MED27: variants seen among roughly 807,000 people sequenced by gnomAD.
MED27 encodes the protein mediator of RNA polymerase II transcription subunit 27.
MED27 carries 30 observed loss-of-function variants against 38.2 expected under a neutral mutation model. The ratio of observed to expected loss-of-function variants is 0.79; its 90% confidence interval spans 0.59 to 1.07. MED27 has a LOEUF of 1.07. Ranked by LOEUF, MED27 falls within the 50% of genes least tolerant of loss-of-function variation. MED27 has a pLI of 0.00. For synonymous variants in MED27, 122 were observed against 153.5 expected, an observed-to-expected ratio of 0.79 and a Z score of 1.52; for missense variants, 289 against 397.5, an observed-to-expected ratio of 0.73 and a Z score of 2.32.
intron 2 of MED27, among the ~76,000 whole-genome samples, chr9:132,065,027 T>C (rs1458952821): frequency 6.6e-6 from 1 of 152,214 alleles, no homozygotes; most frequent in Non-Finnish European, 1.5e-5. Flanking sequence ...AACTGGAATA[T>C]AGAGGTGCTC....
intron 2 of MED27, among the ~76,000 whole-genome samples, chr9:132,039,895 C>T (rs904159062): frequency 2.0e-5 from 3 of 152,210 alleles, no homozygotes; most frequent in Admixed American, 2.0e-4. Context: ...AAAGATAGTA[C>T]TTCTGTGGCC....
intron 6 of MED27, among the ~76,000 whole-genome samples, chr9:131,865,095 A>C (rs1429875631): frequency 1.3e-5 from 2 of 152,152 alleles, no homozygotes; most frequent in African/African-American, 2.4e-5. Context: ...ACGCCCACCC[A>C]CCAAAGGCCA....
At chr9:131,991,023 G>A (rs1458263062) in intron 3 of MED27, among the ~76,000 whole-genome samples, 1 of 152,172 alleles carries the variant, frequency 6.6e-6, no homozygotes, top group Non-Finnish European at 1.5e-5. Flanking sequence ...CTAAAGAGTG[G>A]AGCATAGCAA....
chr9:131,919,388 C>T (rs1830349853), intron 4 of MED27, among the ~76,000 whole-genome samples: 1 of 152,024 alleles, frequency 6.6e-6, no homozygotes, highest in Admixed American at 6.6e-5. Flanking sequence ...GAGCTGAGGG[C>T]CAAGTGGGTG....
intron 4 of MED27, among the ~76,000 whole-genome samples, chr9:131,925,981 C>T (rs1830476264): frequency 1.3e-5 from 2 of 152,236 alleles, no homozygotes; most frequent in African/African-American, 4.8e-5. Flanking sequence ...ATGACAGGGA[C>T]ACCTCACTAA....
chr9:131,953,478 G>A (rs1831037263), intron 3 of MED27, among the ~76,000 whole-genome samples: 1 of 152,170 alleles, frequency 6.6e-6, no homozygotes, highest in South Asian at 2.1e-4. Context: ...TGTAGGTATA[G>A]AACAATATAC....
intron 2 of MED27, among the ~76,000 whole-genome samples, chr9:132,062,419 G>A (rs996263777): frequency 1.3e-5 from 2 of 152,138 alleles, no homozygotes; most frequent in Non-Finnish European, 2.9e-5. Flanking sequence ...AAAAGTATTC[G>A]CCATGCATAA....
chr9:132,014,325 T>G lies in MED27; in HGVS notation c.479+12A>C, dbSNP rs769132798. Reference sequence around the variant, plus strand: ...CCCAGTACTAAAGTAATTTTTCAAATCCATCACTCACTGAGGTGGTAGGAC... The same window carrying G: ...CCCAGTACTAAAGTAATTTTTCAAAGCCATCACTCACTGAGGTGGTAGGAC... On this transcript the variant is annotated intron_variant, in intron 3 of 7. Coordinates refer to ENST00000292035, the MANE Select transcript of MED27 (RefSeq NM_004269.4). The G allele has an allele frequency of 1.2e-6, 2 of 1,607,890 alleles. No individual in the cohort carries two copies. The highest frequency in any genetic ancestry group is 1.7e-6 in the Non-Finnish European group (2 of 1,178,096).
At chr9:131,871,444 C>G (rs889493498) in intron 6 of MED27, among the ~76,000 whole-genome samples, 1 of 152,210 alleles carries the variant, frequency 6.6e-6, no homozygotes, top group South Asian at 2.1e-4. Flanking sequence ...GCAGTTTCCT[C>G]TTTAAAAAGC....
intron 2 of MED27, among the ~76,000 whole-genome samples, chr9:132,065,131 C>G (rs947836767): frequency 1.3e-5 from 2 of 152,214 alleles, no homozygotes; most frequent in Non-Finnish European, 2.9e-5. Flanking sequence ...AATTAGCACA[C>G]TGGTAGCAAG....
intron 5 of MED27, among the ~76,000 whole-genome samples, chr9:131,888,978 T>C (rs1224284823): frequency 6.6e-6 from 1 of 152,252 alleles, no homozygotes; most frequent in Non-Finnish European, 1.5e-5. Context: ...TGAATTAAAC[T>C]GGATTCCCCT....
chr9:131,912,225 C>T (rs939937198), intron 4 of MED27, among the ~76,000 whole-genome samples: 2 of 152,162 alleles, frequency 1.3e-5, no homozygotes, highest in African/African-American at 4.8e-5. Flanking sequence ...AAACAACATG[C>T]TCCTCTTGAA....
intron 3 of MED27, among the ~76,000 whole-genome samples, chr9:131,964,390 T>TGGA: frequency 8.2e-6 from 1 of 122,374 alleles, no homozygotes; most frequent in East Asian, 2.5e-4. Flanking sequence ...GTGATGGTGG[T>TGGA]GGTGATGCTG....
At chr9:131,958,526 G>A (rs910265074) in intron 3 of MED27, among the ~76,000 whole-genome samples, 2 of 152,186 alleles carry the variant, frequency 1.3e-5, no homozygotes, top group Non-Finnish European at 2.9e-5. Context: ...GATTACAGGC[G>A]TGAGCCACTG....
chr9:131,896,118 C>T (rs529767880), intron 4 of MED27, among the ~76,000 whole-genome samples: 22 of 152,172 alleles, frequency 1.4e-4, no homozygotes, highest in Non-Finnish European at 2.6e-4. Flanking sequence ...CCAGGCTGAT[C>T]TCAAACTCCT....
chr9:131,881,084 A>C (rs1408515480), intron 6 of MED27, among the ~76,000 whole-genome samples: 1 of 152,174 alleles, frequency 6.6e-6, no homozygotes, highest in African/African-American at 2.4e-5. Context: ...GCAATACCAC[A>C]GAGGACATGA....
In MED27 at chr9:131,982,377, C is replaced by T. The variant is rs1230041034; in HGVS notation, c.479+31960G>A. Among the ~76,000 whole-genome samples, 1 of 152,202 alleles carries T rather than the reference C, an allele frequency of 6.6e-6. No individual in the cohort carries two copies. Among genetic ancestry groups the T allele is most frequent in the Non-Finnish European group, 1.5e-5 (1 of 68,044 alleles). On this transcript the variant is annotated intron_variant, in intron 3 of 7. Coordinates refer to ENST00000292035, the MANE Select transcript of MED27 (RefSeq NM_004269.4). This position sits in a 1 kb window ranked among gnomAD's most constrained non-coding sequence, Gnocchi z 4.3. The stretch of plus-strand genomic sequence containing the variant: ...GAGAATCAGCTCCCAACCAACCACA[C>T]AACTGAATACAACTCCCTGAATGAT...
intron 2 of MED27, among the ~76,000 whole-genome samples, chr9:132,034,982 C>A (rs1456015772): frequency 6.6e-6 from 1 of 152,180 alleles, no homozygotes; most frequent in Non-Finnish European, 1.5e-5. Context: ...CAGACACCCC[C>A]CTCAAATGAG....
At chr9:131,935,543 C>T (rs373944791) in intron 4 of MED27, among the ~76,000 whole-genome samples, 7 of 152,250 alleles carry the variant, frequency 4.6e-5, no homozygotes, top group South Asian at 2.1e-4. Flanking sequence ...CTGCCAGATA[C>T]GACCACCATC....
Sources: gnomAD v4.1 joint callset for allele counts (sites outside exome capture counted in the v4.1 genomes callset) on GRCh38, gnomAD v4.1.1 for gene constraint, Gnocchi (gnomAD v3.1) non-coding constraint, MANE v1.5 for transcripts, NCBI Gene and HGNC (gene_info 2026-07-23, HGNC 2026-07-21) for gene names.